Variants in YAE1 observed in about 807,000 individuals in gnomAD.
YAE1 encodes the protein protein YAE1 homolog.
YAE1 carries 22 observed loss-of-function variants against 23.0 expected under a neutral mutation model. The ratio of observed to expected loss-of-function variants is 0.96; its 90% CI spans 0.68 to 1.37. YAE1 has a LOEUF of 1.37. YAE1 is among the 40% of genes most tolerant of loss of function. YAE1 has a pLI of 0.00. For missense variants in YAE1, 260 were observed against 262.1 expected (o/e 0.99, Z 0.06); for synonymous variants, 101 against 97.0 (o/e 1.04, Z -0.24).
intron 2 of YAE1, among the ~76,000 whole-genome samples, chr7:39,581,154 CTTCTCTT>C (rs1157840800): frequency 6.6e-6 from 1 of 152,240 alleles, no homozygotes; most frequent in Non-Finnish European, 1.5e-5. Context: ...TATCACAACT[CTTCTCTT>C]TTTAGTCAAC....
intron 2 of YAE1, among the ~76,000 whole-genome samples, chr7:39,596,263 C>T (rs1437707930): frequency 3.3e-5 from 5 of 152,038 alleles, no homozygotes; most frequent in South Asian, 2.1e-4. Flanking sequence ...GGCGTGATCT[C>T]GGCTCACTGC....
intron 2 of YAE1, among the ~76,000 whole-genome samples, chr7:39,585,960 C>T (rs1037870548): frequency 3.3e-5 from 5 of 151,978 alleles, no homozygotes; most frequent in Admixed American, 2.0e-4. Flanking sequence ...AAAAATTAGG[C>T]ATGGTGATGT....
intron 2 of YAE1, among the ~76,000 whole-genome samples, chr7:39,587,761 T>G (rs1396078312): frequency 1.3e-5 from 2 of 151,492 alleles, no homozygotes; most frequent in Non-Finnish European, 2.9e-5. Flanking sequence ...CCTTATAACT[T>G]TTTAAAAATC....
At chr7:39,608,469 G>C (rs138455782) in intron 2 of YAE1, among the ~76,000 whole-genome samples, 7 of 152,202 alleles carry the variant, frequency 4.6e-5, no homozygotes, top group African/African-American at 1.7e-4. Flanking sequence ...TTCCGGGAAA[G>C]AAGAAAAAGA....
intron 2 of YAE1, among the ~76,000 whole-genome samples, chr7:39,608,895 T>C (rs1791166624): frequency 6.6e-6 from 1 of 152,208 alleles, no homozygotes; most frequent in Non-Finnish European, 1.5e-5. Flanking sequence ...AAACAACCAA[T>C]ACTCATTCTG....
At chr7:39,602,339 T>C (rs1445227035) in intron 2 of YAE1, among the ~76,000 whole-genome samples, 1 of 152,188 alleles carries the variant, frequency 6.6e-6, no homozygotes, top group Non-Finnish European at 1.5e-5. Context: ...AGTAACACAA[T>C]GTGGCTTCCT....
chr7:39,585,796 G>A (rs1042459220), intron 2 of YAE1, among the ~76,000 whole-genome samples: 2 of 152,156 alleles, frequency 1.3e-5, no homozygotes, highest in African/African-American at 4.8e-5. Context: ...AAAACTGCTT[G>A]CTCTTTTCAC....
chr7:39,596,937 G>A (rs901605921), intron 2 of YAE1, among the ~76,000 whole-genome samples: 1 of 152,218 alleles, frequency 6.6e-6, no homozygotes. Flanking sequence ...GATTTTAGAA[G>A]CAAATATGAT....
At chr7:39,593,911 C>G (rs1204547964) in intron 2 of YAE1, among the ~76,000 whole-genome samples, 1 of 152,172 alleles carries the variant, frequency 6.6e-6, no homozygotes. Flanking sequence ...TGGTTGGTCT[C>G]TAGTGATTGT....
exon 3 of YAE1, chr7:39,609,918 G>A: frequency 1.3e-6 from 2 of 1,529,364 alleles, no homozygotes; most frequent in Admixed American, 2.0e-5. Context: ...GCCGCCAGAG[G>A]CACCTTCCAA....
intron 2 of YAE1, 95 bp downstream of exon 2, chr7:39,570,722 C>G (rs1042250777): frequency 1.7e-5 from 24 of 1,446,622 alleles, no homozygotes; most frequent in Non-Finnish European, 2.2e-5. Flanking sequence ...AAATGCTTTT[C>G]CTGGTGCTAA....
intron 2 of YAE1, among the ~76,000 whole-genome samples, chr7:39,586,229 G>A (rs1161755998): frequency 6.7e-6 from 1 of 149,668 alleles, no homozygotes; most frequent in African/African-American, 2.5e-5. Flanking sequence ...CTGGAGTGCA[G>A]TGGTGCGAAC....
intron 1 of YAE1, chr7:39,569,776 A>C: frequency 1.3e-6 from 1 of 759,894 alleles, no homozygotes; most frequent in Non-Finnish European, 2.5e-6. Flanking sequence ...CCTGAAACAA[A>C]CCATGATGAA....
At chr7:39,597,870 G>A (rs1364211551) in intron 2 of YAE1, among the ~76,000 whole-genome samples, 1 of 152,172 alleles carries the variant, frequency 6.6e-6, no homozygotes, top group African/African-American at 2.4e-5. Flanking sequence ...TGTATTACCA[G>A]CATGTTCTGT....
exon 3 of YAE1, chr7:39,610,226 A>C (rs1164492419): frequency 3.4e-6 from 2 of 590,438 alleles, no homozygotes; most frequent in Non-Finnish European, 6.0e-6. Context: ...TGAAATTCAC[A>C]CATGAGCAGA....
chr7:39,578,234 C>T (rs1002078955), intron 2 of YAE1, among the ~76,000 whole-genome samples: 2 of 152,188 alleles, frequency 1.3e-5, no homozygotes, highest in Admixed American at 6.5e-5. Flanking sequence ...ACCTTTATGT[C>T]TAGCTAAGGG....
chr7:39,570,953 C>T (rs61245115), intron 2 of YAE1: 2,376 of 197,682 alleles, frequency 0.012, 60 homozygotes, highest in African/African-American at 0.053. Context: ...TATGACAGAC[C>T]TCTAGACTAG....
chr7:39,603,104 T>G (rs1359044790), intron 2 of YAE1, among the ~76,000 whole-genome samples: 1 of 152,102 alleles, frequency 6.6e-6, no homozygotes, highest in African/African-American at 2.4e-5. Flanking sequence ...AGACCCAAAG[T>G]AGATGGCCTC....
intron 2 of YAE1, among the ~76,000 whole-genome samples, chr7:39,601,610 A>C (rs1430037195): frequency 6.6e-6 from 1 of 152,044 alleles, no homozygotes; most frequent in African/African-American, 2.4e-5. Context: ...AAATACAAAA[A>C]TTAGTCGGGC....
Sources: gnomAD v4.1 joint callset for allele counts (sites outside exome capture counted in the v4.1 genomes callset) on GRCh38, gnomAD v4.1.1 for gene constraint, MANE v1.5 for transcripts, NCBI Gene and HGNC (gene_info 2026-07-23, HGNC 2026-07-21) for gene names.